Variants in ERICH6B observed in about 807,000 individuals in gnomAD.
ERICH6B encodes the protein glutamate rich 6B, also known as glutamate-rich protein 6B.
In ERICH6B, 69 loss-of-function variants were observed where a neutral mutation model predicts 80.0. The ratio of observed to expected loss-of-function variants is 0.86; its 90% CI spans 0.71 to 1.05. The LOEUF (loss-of-function observed/expected upper bound fraction) is 1.05. ERICH6B is among the 50% of genes least tolerant of loss of function. ERICH6B has a pLI of 0.00. For missense variants in ERICH6B, 754 were observed against 796.1 expected (o/e 0.95, Z 0.64); for synonymous variants, 283 against 291.9 (o/e 0.97, Z 0.31).
chr13:45,596,574 C>T lies in ERICH6B; in HGVS notation c.432G>A (p.Gly144=), dbSNP rs1474839140. ...LEEEEYLGKE[G]YLEKEDYIEE... Reference sequence around the variant, plus strand: ...CAATATAATCTTCCTTCTCCAGATACCCTTCCTTCCCCAGATACTCTTCCT... The same window carrying T: ...CAATATAATCTTCCTTCTCCAGATATCCTTCCTTCCCCAGATACTCTTCCT... The change falls in exon 3 of 15, where the codon GGG becomes GGA. Residue 144 remains glycine, a synonymous_variant. Coordinates refer to ENST00000298738, the MANE Select transcript of ERICH6B (RefSeq NM_182542.3). 1 of 1,546,934 alleles carries T rather than the reference C, an allele frequency of 6.5e-7. No individual in the cohort carries two copies. The highest frequency in any genetic ancestry group is 2.0e-5 in the Admixed American group (1 of 50,626).
rs552845857 is a variant in ERICH6B at position 45,589,778 on chromosome 13, ACG to A, written c.686+869_686+870del. On this transcript the variant is annotated intron_variant, in intron 4 of 14. Coordinates refer to ENST00000298738, the MANE Select transcript of ERICH6B (RefSeq NM_182542.3). ...CTTTGAGTGTCAGCGATTGGGGTGA[ACG>A]GGGGCCTTTGGAATGCCACTCCCTC... Among the ~76,000 whole-genome samples, 112 of 152,250 alleles carry A rather than the reference ACG, an allele frequency of 7.4e-4. No homozygotes were observed. In the East Asian group the frequency reaches 0.015, roughly 21 times the overall value.
At position 45,563,708 on chromosome 13, in the gene ERICH6B, ATGG is replaced by A. The variant is rs57234292; in HGVS notation, c.1249+16_1249+18del. The A allele has an allele frequency of 9.1e-4, 1,405 of 1,551,002 alleles. 10 individuals are homozygous for A. In the African/African-American group the frequency reaches 0.017, roughly 19 times the overall value. On this transcript the variant is annotated intron_variant, in intron 10 of 14. Coordinates refer to ENST00000298738, the MANE Select transcript of ERICH6B (RefSeq NM_182542.3). ...CAGGAGAGCCAGCACGTGGTGGAAA[ATGG>A]TGGAGTGGTGCCTACCTTCACGTCT...
At chr13:45,595,256 A>G (rs1405932293) in intron 3 of ERICH6B, among the ~76,000 whole-genome samples, 1 of 152,234 alleles carries the variant, frequency 6.6e-6, no homozygotes, top group Non-Finnish European at 1.5e-5. Context: ...AAAAATTGGA[A>G]GCAATAAATG....
At chr13:45,575,664 A>G (rs1223083352) in intron 7 of ERICH6B, among the ~76,000 whole-genome samples, 3 of 152,178 alleles carry the variant, frequency 2.0e-5, no homozygotes, top group Non-Finnish European at 4.4e-5. Flanking sequence ...AGAGCATAAG[A>G]GATGAATCCC....
chr13:45,579,919 T>A lies in ERICH6B; in HGVS notation c.961+14A>T. On this transcript the variant is annotated intron_variant, in intron 7 of 14. Coordinates refer to ENST00000298738, the MANE Select transcript of ERICH6B (RefSeq NM_182542.3). ...AAAGCAGGGATCTTTGGATGCATTA[T>A]GTCAGATGCTCACCATTTTCTTCCT... 6.4e-7 allele frequency: 1 copy of A among 1,551,798 alleles called. No individual in the cohort carries two copies. Among genetic ancestry groups the A allele is most frequent in the East Asian group, 2.4e-5 (1 of 40,930 alleles).
intron 3 of ERICH6B, among the ~76,000 whole-genome samples, chr13:45,595,679 CTTT>C (rs760500009): frequency 7.4e-6 from 1 of 136,010 alleles, no homozygotes; most frequent in Non-Finnish European, 1.6e-5. Context: ...TCTTCTCTCT[CTTT>C]TTTTTTTTTT....
intron 2 of ERICH6B, among the ~76,000 whole-genome samples, chr13:45,606,518 TATATATATATATATATATATATA>T (rs1566307699): frequency 3.9e-4 from 6 of 15,380 alleles, no homozygotes; most frequent in Admixed American, 7.7e-4. Context: ...TATATATATA[TATATATATATATATATATATATA>T]TATATATTTT....
intron 2 of ERICH6B, among the ~76,000 whole-genome samples, chr13:45,597,455 AAC>A (rs1323796658): frequency 6.6e-6 from 1 of 152,220 alleles, no homozygotes; most frequent in Non-Finnish European, 1.5e-5. Flanking sequence ...AGTCACAAAA[AAC>A]AGATTACTAA....
chr13:45,545,332 G>A (rs1400591299), intron 13 of ERICH6B, among the ~76,000 whole-genome samples: 2 of 152,146 alleles, frequency 1.3e-5, no homozygotes, highest in Admixed American at 6.5e-5. Context: ...CAGCTTAGAC[G>A]TCACCTCCTC....
intron 3 of ERICH6B, among the ~76,000 whole-genome samples, chr13:45,594,427 T>G (rs371415023): frequency 6.6e-6 from 1 of 152,252 alleles, no homozygotes; most frequent in African/African-American, 2.4e-5. Context: ...AGAGGGGACA[T>G]GTTAAGAATG....
chr13:45,560,375 C>T (rs1874618119), intron 11 of ERICH6B, among the ~76,000 whole-genome samples: 1 of 152,050 alleles, frequency 6.6e-6, no homozygotes, highest in South Asian at 2.1e-4. Flanking sequence ...AGTACAGTTT[C>T]CCATATATGC....
rs545920235 is a variant in ERICH6B at position 45,541,579 on chromosome 13, C to T, written c.1974G>A (p.Met658Ile). The T allele has an allele frequency of 8.7e-4, 1,348 of 1,551,902 alleles. No homozygotes were observed. The highest frequency in any genetic ancestry group is 1.1e-3 in the Non-Finnish European group (1,221 of 1,147,044). The change falls in exon 15 of 15, where the codon ATG (methionine) becomes ATA (isoleucine). Residue 658 changes from methionine to isoleucine, a missense_variant. Physicochemically the swap from Met to Ile is conservative, Grantham distance 10. Coordinates refer to ENST00000298738, the MANE Select transcript of ERICH6B (RefSeq NM_182542.3). ...AQKIRVLLGK[M>I]NRLLNYATTP... ...TGGTCGCGTAATTCAGGAGCCTATT[C>T]ATTTTCCCCAGAAGGACCCGGATCT...
chr13:45,583,045 G>A (rs74073915), intron 5 of ERICH6B, among the ~76,000 whole-genome samples: 9,455 of 152,170 alleles, frequency 0.062, 685 homozygotes, highest in African/African-American at 0.17. Context: ...TACAAATTCT[G>A]GAGTATATTT....
chr13:45,548,412 T>G (rs1251254155), intron 13 of ERICH6B, among the ~76,000 whole-genome samples: 2 of 152,182 alleles, frequency 1.3e-5, no homozygotes, highest in African/African-American at 4.8e-5. Flanking sequence ...GACTGCAGTT[T>G]TGCTGATGAA....
chr13:45,544,475 G>C (rs1873912135), intron 14 of ERICH6B, among the ~76,000 whole-genome samples: 1 of 152,180 alleles, frequency 6.6e-6, no homozygotes, highest in African/African-American at 2.4e-5. Flanking sequence ...ACCTGTCTTG[G>C]CCTCCCAAAG....
intron 1 of ERICH6B, among the ~76,000 whole-genome samples, chr13:45,610,193 T>C (rs915465870): frequency 1.3e-5 from 2 of 152,150 alleles, no homozygotes; most frequent in Non-Finnish European, 2.9e-5. Context: ...AAGATTGGCC[T>C]TTTGAGATGT....
intron 1 of ERICH6B, among the ~76,000 whole-genome samples, chr13:45,614,799 G>A (rs2138045740): frequency 6.6e-6 from 1 of 152,366 alleles, no homozygotes; most frequent in South Asian, 2.1e-4. Context: ...TCATTAACTT[G>A]TGTGATTCTT....
At position 45,607,931 on chromosome 13, in the gene ERICH6B, T is replaced by A. The variant is rs548736977; in HGVS notation, c.-110-316A>T. On this transcript the variant is annotated intron_variant, in intron 1 of 14. Transcript: ENST00000298738. ...CTCACAGGGACGCCACAGTATAGTT[T>A]AAATTTTTGAGGGAAACAGTGATAC... 2.8e-3 allele frequency among the ~76,000 whole-genome samples: 433 copies of A among 152,286 alleles called. 1 individual carries two copies. Among genetic ancestry groups the A allele is most frequent in the Non-Finnish European group, 5.2e-3 (355 of 68,016 alleles).
intron 5 of ERICH6B, among the ~76,000 whole-genome samples, chr13:45,583,027 T>G (rs1308654726): frequency 6.6e-6 from 1 of 152,206 alleles, no homozygotes; most frequent in African/African-American, 2.4e-5. Context: ...AGCTATTCTC[T>G]CAGTACGTAC....
Sources: gnomAD v4.1 joint callset for allele counts (sites outside exome capture counted in the v4.1 genomes callset) on GRCh38, gnomAD v4.1.1 for gene constraint, MANE v1.5 for transcripts, NCBI Gene and HGNC (gene_info 2026-07-23, HGNC 2026-07-21) for gene names.